DNAJC1: variants seen among roughly 807,000 people sequenced by gnomAD.
DNAJC1 encodes dnaJ homolog subfamily C member 1.
Under a neutral mutation model 76.6 loss-of-function variants are expected in DNAJC1, and 58 were observed. The ratio of observed to expected loss-of-function variants is 0.76; its 90% CI spans 0.61 to 0.94. DNAJC1 has a LOEUF of 0.94. DNAJC1 is among the 40% of genes least tolerant of loss of function. The probability of loss-of-function intolerance (pLI) is 0.00; values close to 1 mark genes in which losing one functional copy is unlikely to be tolerated. For missense variants in DNAJC1, 689 were observed against 677.3 expected, an observed-to-expected ratio of 1.02 and a Z score of -0.19; for synonymous variants, 258 against 267.9, an observed-to-expected ratio of 0.96 and a Z score of 0.36.
intron 8 of DNAJC1, among the ~76,000 whole-genome samples, chr10:21,835,672 G>A (rs973516753): frequency 3.3e-5 from 5 of 152,226 alleles, no homozygotes; most frequent in Non-Finnish European, 5.9e-5. Context: ...AGAGCTACGT[G>A]ACGAATGCAG....
At chr10:21,774,486 C>T (rs549044500) in intron 9 of DNAJC1, among the ~76,000 whole-genome samples, 28 of 152,094 alleles carry the variant, frequency 1.8e-4, no homozygotes, top group South Asian at 2.1e-4. Flanking sequence ...ACATATTAAA[C>T]GTATTAATAT....
intron 1 of DNAJC1, among the ~76,000 whole-genome samples, chr10:21,961,571 G>GTGGGGGAAGGGGAAAAGGGTGGTTAT (rs1447061131): frequency 1.3e-5 from 2 of 152,170 alleles, no homozygotes; most frequent in Non-Finnish European, 2.9e-5. Context: ...AGGGGTTGGT[G>GTGGGGGAAGGGGAAAAGGGTGGTTAT]TGGGGGAAGG....
chr10:21,786,459 TATATAGAGAGAGAGAG>T (rs1403748476), intron 9 of DNAJC1, among the ~76,000 whole-genome samples: 3 of 37,736 alleles, frequency 7.9e-5, no homozygotes, highest in Admixed American at 3.2e-4. Context: ...TATATATATA[TATATAGAGAGAGAGAG>T]AGAGAGAGAG....
At chr10:21,833,458 G>A (rs1835395110) in intron 8 of DNAJC1, among the ~76,000 whole-genome samples, 2 of 152,132 alleles carry the variant, frequency 1.3e-5, no homozygotes, top group African/African-American at 2.4e-5. Context: ...GCAACAGTGT[G>A]AGACTCTGAC....
intron 8 of DNAJC1, among the ~76,000 whole-genome samples, chr10:21,842,298 G>A (rs1305653401): frequency 6.6e-6 from 1 of 151,862 alleles, no homozygotes; most frequent in Non-Finnish European, 1.5e-5. Flanking sequence ...AGGATGAACT[G>A]ACAGGATAAT....
intron 8 of DNAJC1, among the ~76,000 whole-genome samples, chr10:21,851,826 G>A (rs577574100): frequency 2.6e-5 from 4 of 152,082 alleles, no homozygotes; most frequent in East Asian, 1.9e-4. Context: ...AGGCCGAGAC[G>A]GGTGGATCAC....
intron 1 of DNAJC1, among the ~76,000 whole-genome samples, chr10:21,982,717 TAA>T (rs576398958): frequency 0.02 from 2,501 of 126,990 alleles, 66 homozygotes; most frequent in African/African-American, 0.064. Context: ...ATAGCTATCA[TAA>T]AAAAAAAAAA....
intron 6 of DNAJC1, among the ~76,000 whole-genome samples, chr10:21,911,076 GA>G (rs1269088852): frequency 3.4e-5 from 5 of 145,234 alleles, no homozygotes; most frequent in South Asian, 2.3e-4. Flanking sequence ...AGGAAGGAAG[GA>G]AGGAAGGAAG....
At chr10:21,817,529 A>C (rs2131655109) in intron 8 of DNAJC1, among the ~76,000 whole-genome samples, 1 of 152,268 alleles carries the variant, frequency 6.6e-6, no homozygotes, top group South Asian at 2.1e-4. Flanking sequence ...ATCAACTTTA[A>C]GATTAGGAAA....
intron 8 of DNAJC1, among the ~76,000 whole-genome samples, chr10:21,813,668 G>A (rs868689619): frequency 4.6e-5 from 7 of 152,152 alleles, no homozygotes; most frequent in African/African-American, 9.7e-5. Flanking sequence ...GATTACAGGC[G>A]TGAGCCACTG....
intron 10 of DNAJC1, among the ~76,000 whole-genome samples, chr10:21,760,750 C>T (rs1834231557): frequency 1.3e-5 from 2 of 152,284 alleles, no homozygotes; most frequent in South Asian, 2.1e-4. Context: ...CAGGTCTAGC[C>T]TTTTTAAAGA....
intron 1 of DNAJC1, among the ~76,000 whole-genome samples, chr10:21,987,956 CT>C (rs1838272395): frequency 6.6e-6 from 1 of 152,016 alleles, no homozygotes; most frequent in South Asian, 2.1e-4. Context: ...TGATATTTGG[CT>C]TTTTTTCACT....
At chr10:21,813,530 G>C (rs1835025083) in intron 8 of DNAJC1, among the ~76,000 whole-genome samples, 1 of 151,732 alleles carries the variant, frequency 6.6e-6, no homozygotes, top group African/African-American at 2.4e-5. Context: ...CGAGTAGCTG[G>C]GACTACAGGC....
intron 1 of DNAJC1, among the ~76,000 whole-genome samples, chr10:21,938,853 G>C (rs1467618498): frequency 1.3e-5 from 2 of 152,154 alleles, no homozygotes; most frequent in African/African-American, 4.8e-5. Context: ...TCCAGGATCT[G>C]ACCAAAGGAA....
intron 7 of DNAJC1, among the ~76,000 whole-genome samples, chr10:21,885,988 A>G (rs539631835): frequency 1.3e-5 from 2 of 152,282 alleles, no homozygotes; most frequent in East Asian, 3.9e-4. Context: ...CCAAAATCAG[A>G]GCTGAAATGA....
chr10:21,933,046 T>C (rs914291519), intron 1 of DNAJC1: 2 of 152,178 alleles, frequency 1.3e-5, no homozygotes, highest in African/African-American at 4.8e-5. Flanking sequence ...AAGCTAAGTG[T>C]TATTACAAAA....
intron 8 of DNAJC1, among the ~76,000 whole-genome samples, chr10:21,844,614 T>C (rs1170870811): frequency 6.6e-6 from 1 of 152,216 alleles, no homozygotes. Context: ...TTGAAACATA[T>C]GTTGATTTTC....
At chr10:21,758,340 AAAG>A (rs1381292727) in intron 11 of DNAJC1, among the ~76,000 whole-genome samples, 1 of 152,196 alleles carries the variant, frequency 6.6e-6, no homozygotes, top group Non-Finnish European at 1.5e-5. Flanking sequence ...AGCTACAGGG[AAAG>A]AAGCCTCAAG....
In DNAJC1 at chr10:21,763,448, C is replaced by T. The variant is rs532867424; in HGVS notation, c.1147+2813G>A. 3.8e-3 allele frequency among the ~76,000 whole-genome samples: 580 copies of T among 152,180 alleles called. 1 individual carries two copies. The highest frequency in any genetic ancestry group is 7.5e-3 in the South Asian group (36 of 4,824). ...GACTAGTTATACTTCTAGACGTGTA[C>T]GCCCTCACACTCCAATTCATTATTC... is the stretch of plus-strand genomic sequence containing the variant. On this transcript the variant is annotated intron_variant, in intron 10 of 11. Transcript: ENST00000376980.
Sources: allele counts gnomAD v4.1 joint callset (sites outside exome capture counted in the v4.1 genomes callset), GRCh38; gene constraint gnomAD v4.1.1; transcripts MANE v1.5; gene names NCBI Gene and HGNC (gene_info 2026-07-23, HGNC 2026-07-21).